ATP8B4: variants seen among roughly 807,000 people sequenced by gnomAD.
ATP8B4 encodes ATPase phospholipid transporting 8B4 (putative), also known as probable phospholipid-transporting ATPase IM.
A neutral mutation model predicts 145.6 loss-of-function variants in ATP8B4; 133 were observed. The observed-to-expected ratio is 0.91, with a 90% CI of 0.79 to 1.05. The LOEUF (loss-of-function observed/expected upper bound fraction) is 1.05, where lower values mean the gene tolerates loss of function less well. Among genes scored for constraint, ATP8B4 ranks in the 50% least tolerant of loss-of-function variants. The probability of loss-of-function intolerance (pLI) is 0.00; values close to 1 mark genes in which losing one functional copy is unlikely to be tolerated. For missense variants in ATP8B4, 1,458 were observed against 1,425.2 expected, an observed-to-expected ratio of 1.02 and a Z score of -0.37; for synonymous variants, 507 against 492.9, an observed-to-expected ratio of 1.03 and a Z score of -0.38.
At chr15:50,061,677 C>T (rs1237620555) in intron 3 of ATP8B4, among the ~76,000 whole-genome samples, 2 of 152,154 alleles carry the variant, frequency 1.3e-5, no homozygotes, top group Non-Finnish European at 2.9e-5. Context: ...TTTAGATCTA[C>T]TTAACATGTG....
At chr15:50,003,331 T>C (rs1262327163) in intron 7 of ATP8B4, among the ~76,000 whole-genome samples, 1 of 149,750 alleles carries the variant, frequency 6.7e-6, no homozygotes, top group Non-Finnish European at 1.5e-5. Context: ...TAAACTGGGA[T>C]AAAACAGAGC....
At chr15:49,934,558 C>A (rs1235887718) in intron 14 of ATP8B4, among the ~76,000 whole-genome samples, 1 of 151,984 alleles carries the variant, frequency 6.6e-6, no homozygotes, top group Non-Finnish European at 1.5e-5. Flanking sequence ...AATATCTGAC[C>A]TGGAATGTTA....
At chr15:49,962,116 C>A in intron 13 of ATP8B4, 96 bp from the exon 14 acceptor site, 3 of 890,532 alleles carry the variant, frequency 3.4e-6, no homozygotes, top group East Asian at 2.8e-5. Flanking sequence ...TATTACATCA[C>A]CATTACTAAA....
At chr15:50,035,571 T>G (rs2050772652) in intron 6 of ATP8B4, among the ~76,000 whole-genome samples, 1 of 152,096 alleles carries the variant, frequency 6.6e-6, no homozygotes, top group Non-Finnish European at 1.5e-5. Context: ...ACCCACACCT[T>G]AGGGTTTTAT....
chr15:49,900,546 T>C (rs1365877164), intron 21 of ATP8B4, among the ~76,000 whole-genome samples: 1 of 152,238 alleles, frequency 6.6e-6, no homozygotes. Context: ...AAAAGTACAA[T>C]GCAAGTTCAT....
intron 2 of ATP8B4, among the ~76,000 whole-genome samples, chr15:50,082,534 G>C (rs1275231310): frequency 1.3e-5 from 2 of 152,170 alleles, no homozygotes; most frequent in Admixed American, 1.3e-4. Context: ...AATTTGATTT[G>C]AGAACTTTAT....
intron 1 of ATP8B4, among the ~76,000 whole-genome samples, chr15:50,171,337 T>C (rs1220836466): frequency 6.6e-6 from 1 of 152,054 alleles, no homozygotes; most frequent in East Asian, 1.9e-4. Flanking sequence ...TTTAAAAAAA[T>C]TGAAATTATA....
intron 1 of ATP8B4, among the ~76,000 whole-genome samples, chr15:50,133,779 T>A (rs1214483605): frequency 1.3e-5 from 2 of 152,140 alleles, no homozygotes; most frequent in Non-Finnish European, 2.9e-5. Context: ...TTATAGTTAA[T>A]AATACTGCAT....
rs2031082857 is a variant in ATP8B4 at position 49,858,502 on chromosome 15, T to C, written c.*1692A>G. ...ACTTGAAAATTTTGGTTTTAAAAAATTGTGACCTATAGATATCACATTAGC... is the reference window on the plus strand; with the variant it reads ...ACTTGAAAATTTTGGTTTTAAAAAACTGTGACCTATAGATATCACATTAGC... On this transcript the variant is annotated 3_prime_UTR_variant, in exon 28 of 28. Coordinates refer to ENST00000284509, the MANE Select transcript of ATP8B4 (RefSeq NM_024837.4). 6.6e-6 allele frequency: 1 copy of C among 152,208 alleles called. No individual in the cohort carries two copies. 9.4% of individuals were successfully genotyped at this position (152,208 alleles called of 1,614,324 possible).
At chr15:50,107,284 A>G (rs1228771254) in intron 1 of ATP8B4, among the ~76,000 whole-genome samples, 2 of 152,190 alleles carry the variant, frequency 1.3e-5, no homozygotes, top group Non-Finnish European at 2.9e-5. Context: ...AATATATCTC[A>G]AATCCTGTGA....
chr15:49,898,541 G>A (rs2037672462), intron 21 of ATP8B4, among the ~76,000 whole-genome samples: 1 of 152,158 alleles, frequency 6.6e-6, no homozygotes, highest in East Asian at 1.9e-4. Flanking sequence ...GAGAGAGAGA[G>A]TTAAATGCTG....
intron 20 of ATP8B4, among the ~76,000 whole-genome samples, chr15:49,907,168 C>G (rs16963056): frequency 0.08 from 12,224 of 152,234 alleles, 526 homozygotes; most frequent in Middle Eastern, 0.092. Context: ...AGGGTAGACA[C>G]TGATGAACAG....
chr15:50,038,753 G>A lies in ATP8B4; in HGVS notation c.362+15C>T. The A allele has an allele frequency of 6.2e-7, 1 of 1,603,254 alleles. No individual in the cohort carries two copies. The highest frequency in any genetic ancestry group is 8.5e-7 in the Non-Finnish European group (1 of 1,170,806). The stretch of plus-strand genomic sequence containing the variant: ...CTAGAAATTTTCAGAATAACCCACA[G>A]AATGTATTTCTTACTTGCTGTTGAT... On this transcript the variant is annotated intron_variant, in intron 6 of 27. Coordinates refer to ENST00000284509, the MANE Select transcript of ATP8B4 (RefSeq NM_024837.4).
chr15:50,107,395 G>A (rs922077045), intron 1 of ATP8B4, among the ~76,000 whole-genome samples: 2 of 152,282 alleles, frequency 1.3e-5, no homozygotes, highest in African/African-American at 4.8e-5. Flanking sequence ...ACTGAACTTC[G>A]AGAGCTATGT....
At chr15:49,983,998 A>G (rs1329114305) in intron 10 of ATP8B4, among the ~76,000 whole-genome samples, 2 of 152,222 alleles carry the variant, frequency 1.3e-5, no homozygotes, top group African/African-American at 2.4e-5. Flanking sequence ...TTAATCCCCA[A>G]TGAGTAAGTA....
chr15:49,898,424 A>G (rs996418754), intron 21 of ATP8B4, among the ~76,000 whole-genome samples, 173 bp from the exon 22 acceptor site: 6 of 152,242 alleles, frequency 3.9e-5, no homozygotes, highest in African/African-American at 1.4e-4. Context: ...AACCAAAGAA[A>G]TGAGTATTGA....
At chr15:50,014,410 T>C (rs1447317125) in intron 6 of ATP8B4, among the ~76,000 whole-genome samples, 1 of 152,170 alleles carries the variant, frequency 6.6e-6, no homozygotes, top group African/African-American at 2.4e-5. Context: ...GAATGAATGA[T>C]AAATAAATTA....
chr15:50,122,799 A>T (rs78581634), upstream of ATP8B4, among the ~76,000 whole-genome samples: 483 of 152,332 alleles, frequency 3.2e-3, 5 homozygotes, highest in African/African-American at 0.011. Flanking sequence ...TCTACACTGC[A>T]AACCTACTCA....
intron 2 of ATP8B4, among the ~76,000 whole-genome samples, chr15:50,083,312 T>C (rs2054677100): frequency 6.6e-6 from 1 of 151,716 alleles, no homozygotes; most frequent in African/African-American, 2.4e-5. Context: ...TTCTAATCTG[T>C]TCTTTTCTAT....
Sources: allele counts gnomAD v4.1 joint callset (sites outside exome capture counted in the v4.1 genomes callset), GRCh38; gene constraint gnomAD v4.1.1; transcripts MANE v1.5; gene names NCBI Gene and HGNC (gene_info 2026-07-23, HGNC 2026-07-21).